HEATR4: variants seen among roughly 807,000 people sequenced by gnomAD.
HEATR4 encodes HEAT repeat containing 4.
In HEATR4, 95 loss-of-function variants were observed where a neutral mutation model predicts 108.8. The observed-to-expected ratio is 0.87, with a 90% confidence interval of 0.74 to 1.04. The LOEUF is 1.04. HEATR4 is among the 50% of genes least tolerant of loss of function. The pLI is 0.00. For synonymous variants in HEATR4, 443 were observed against 459.4 expected (o/e 0.96, Z 0.46); for missense variants, 1,152 against 1,253.8 (o/e 0.92, Z 1.23).
chr14:73,483,399 GCTA>G (rs1885327760), intron 17 of HEATR4, among the ~76,000 whole-genome samples: 1 of 152,108 alleles, frequency 6.6e-6, no homozygotes, highest in African/African-American at 2.4e-5. Context: ...GAGTGCAGGA[GCTA>G]GTACCTATTC....
chr14:73,624,411 G>A, the HEATR4 span, among the ~76,000 whole-genome samples: 1 of 151,696 alleles, frequency 6.6e-6, no homozygotes, highest in African/African-American at 2.4e-5. Context: ...TTACAGGCAT[G>A]AGCCAACGCG....
the HEATR4 span, chr14:73,592,545 C>A: frequency 8.7e-7 from 1 of 1,145,888 alleles, no homozygotes; most frequent in Non-Finnish European, 1.2e-6. Context: ...ATGTCAGTGG[C>A]CACTCTACCA....
chr14:73,590,133 T>C, the HEATR4 span, among the ~76,000 whole-genome samples: 1 of 152,130 alleles, frequency 6.6e-6, no homozygotes, highest in African/African-American at 2.4e-5. Context: ...GCAGCCTGCT[T>C]TTATTCCCTT....
intron 1 of HEATR4, among the ~76,000 whole-genome samples, chr14:73,551,672 G>T (rs1385189715): frequency 4.5e-5 from 5 of 111,968 alleles, no homozygotes; most frequent in African/African-American, 1.2e-4. Context: ...GCCGGGTGTG[G>T]TGGTGCGCAC....
chr14:73,517,728 G>A (rs1349867615), intron 5 of HEATR4, among the ~76,000 whole-genome samples: 1 of 149,390 alleles, frequency 6.7e-6, no homozygotes, highest in African/African-American at 2.5e-5. Context: ...GGGGAAGAGA[G>A]GAAAGGGAGA....
the HEATR4 span, among the ~76,000 whole-genome samples, chr14:73,583,198 C>T: frequency 9.2e-5 from 14 of 151,834 alleles, no homozygotes; most frequent in African/African-American, 1.5e-4. Context: ...AAAAATTAGC[C>T]GAGTGTGGTG....
intron 7 of HEATR4, among the ~76,000 whole-genome samples, chr14:73,511,449 G>A (rs2140280141): frequency 6.6e-6 from 1 of 151,642 alleles, no homozygotes. Flanking sequence ...AACCTGGGAG[G>A]TGGAGGTTGC....
intron 10 of HEATR4, 102 bp downstream of exon 10, chr14:73,506,365 G>C: frequency 1.3e-6 from 1 of 758,594 alleles, no homozygotes; most frequent in East Asian, 2.5e-5. Flanking sequence ...ACAGAGATCT[G>C]TTTGGTAAGA....
intron 11 of HEATR4, among the ~76,000 whole-genome samples, chr14:73,501,663 T>G (rs1355538706): frequency 1.3e-5 from 2 of 150,280 alleles, no homozygotes; most frequent in Non-Finnish European, 3.0e-5. Flanking sequence ...AGCTTTGGAC[T>G]TCCTGGACCC....
chr14:73,591,233 A>C, the HEATR4 span, among the ~76,000 whole-genome samples: 1 of 121,292 alleles, frequency 8.2e-6, no homozygotes, highest in Admixed American at 7.9e-5. Context: ...GATGACAGAG[A>C]GAGACCCTGT....
At chr14:73,628,759 A>C in the HEATR4 span, among the ~76,000 whole-genome samples, 3 of 151,678 alleles carry the variant, frequency 2.0e-5, no homozygotes, top group African/African-American at 7.3e-5. Flanking sequence ...ATCTCAAAAA[A>C]AAAAAAAAAT....
chr14:73,478,833 G>T lies in HEATR4; in HGVS notation c.2854C>A (p.Pro952Thr). The T allele has an allele frequency of 6.2e-7, 1 of 1,602,348 alleles. No individual in the cohort carries two copies. ...DTEAVIKPVK[P>T]RAPNPWLQSS... Reference sequence around the variant, plus strand: ...TGTAACCAGGGATTTGGTGCGCGGGGCTTCACAGGCTGCAGAGAAACATGA... The same window carrying T: ...TGTAACCAGGGATTTGGTGCGCGGGTCTTCACAGGCTGCAGAGAAACATGA... Residue 952 changes from proline to threonine, a missense_variant, in exon 18 of 18, where the codon CCC becomes ACC. Coordinates refer to ENST00000553558, the MANE Select transcript of HEATR4 (RefSeq NM_001220484.1).
At chr14:73,561,192 T>C (rs1240418745), upstream of HEATR4, among the ~76,000 whole-genome samples, 27 of 150,154 alleles carry the variant, frequency 1.8e-4, no homozygotes, top group African/African-American at 5.9e-4. Flanking sequence ...ATGGTGAAAC[T>C]CCATCTCTAC....
At chr14:73,625,884 A>G in the HEATR4 span, among the ~76,000 whole-genome samples, 1 of 152,154 alleles carries the variant, frequency 6.6e-6, no homozygotes, top group African/African-American at 2.4e-5. Flanking sequence ...TAACCCTACA[A>G]TGGCCTCTAA....
At chr14:73,559,971 C>G (rs1889490492), upstream of HEATR4, among the ~76,000 whole-genome samples, 1 of 152,086 alleles carries the variant, frequency 6.6e-6, no homozygotes, top group Non-Finnish European at 1.5e-5. Flanking sequence ...TTTGCCCACA[C>G]AGTTCAATCC....
chr14:73,491,571 T>C, intron 17 of HEATR4: 1 of 1,541,900 alleles, frequency 6.5e-7, no homozygotes, highest in Non-Finnish European at 8.7e-7. Context: ...GACTCCCCGC[T>C]GCGGCGCGTC....
chr14:73,593,594 T>C, the HEATR4 span: 1 of 1,026,456 alleles, frequency 9.7e-7, no homozygotes, highest in Non-Finnish European at 1.4e-6. Context: ...CCTCCTGCCT[T>C]GGCCTCCTAA....
chr14:73,561,266 C>T (rs968710132), upstream of HEATR4, among the ~76,000 whole-genome samples: 13 of 151,248 alleles, frequency 8.6e-5, no homozygotes, highest in African/African-American at 2.9e-4. Flanking sequence ...CTCAGGAGAC[C>T]GAGGCAGGAG....
intron 11 of HEATR4, among the ~76,000 whole-genome samples, chr14:73,502,115 A>C (rs1886509781): frequency 6.7e-6 from 1 of 150,004 alleles, no homozygotes; most frequent in African/African-American, 2.5e-5. Flanking sequence ...GCTGGTCTCG[A>C]ACTCCTGGGC....
Sources: allele counts gnomAD v4.1 joint callset (sites outside exome capture counted in the v4.1 genomes callset), GRCh38; gene constraint gnomAD v4.1.1; transcripts MANE v1.5; gene names NCBI Gene and HGNC (gene_info 2026-07-23, HGNC 2026-07-21).